DCDC1: variants seen among roughly 807,000 people sequenced by gnomAD.
DCDC1 encodes doublecortin domain-containing protein 1.
A neutral mutation model predicts 178.3 loss-of-function variants in DCDC1; 200 were observed. That is an observed-to-expected ratio of 1.12 (90% confidence interval 1.00 to 1.26). DCDC1 has a LOEUF of 1.26. DCDC1 is among the 50% of genes most tolerant of loss of function. The pLI is 0.00. For synonymous variants in DCDC1, 690 were observed against 604.8 expected, an observed-to-expected ratio of 1.14 and a Z score of -2.07; for missense variants, 1,983 against 1,749.2, an observed-to-expected ratio of 1.13 and a Z score of -2.38.
At chr11:31,273,022 G>A (rs1423949299) in intron 7 of DCDC1, among the ~76,000 whole-genome samples, 3 of 152,156 alleles carry the variant, frequency 2.0e-5, no homozygotes, top group Non-Finnish European at 4.4e-5. Context: ...TGGGATGCAG[G>A]GCACCAAGTC....
chr11:31,282,339 A>T (rs897460868), intron 7 of DCDC1, among the ~76,000 whole-genome samples: 24 of 151,790 alleles, frequency 1.6e-4, no homozygotes, highest in Admixed American at 1.4e-3. Flanking sequence ...GAAGGACAAG[A>T]TTAATAGGAT....
At chr11:30,872,257 GT>G (rs910063536) in intron 38 of DCDC1, among the ~76,000 whole-genome samples, 1 of 151,924 alleles carries the variant, frequency 6.6e-6, no homozygotes, top group African/African-American at 2.4e-5. Flanking sequence ...GTTTTGTTTT[GT>G]TTTTTGTGAA....
intron 9 of DCDC1, among the ~76,000 whole-genome samples, chr11:31,214,544 GC>G (rs1467744194): frequency 6.6e-6 from 1 of 152,022 alleles, no homozygotes; most frequent in Non-Finnish European, 1.5e-5. Context: ...TCCTGACCAC[GC>G]CCTCAATGAG....
At chr11:31,351,364 T>C (rs543975894) in intron 1 of DCDC1, among the ~76,000 whole-genome samples, 5 of 152,240 alleles carry the variant, frequency 3.3e-5, no homozygotes, top group Admixed American at 2.0e-4. Flanking sequence ...GTGGTTGCCA[T>C]AGTAACAAAT....
intron 18 of DCDC1, among the ~76,000 whole-genome samples, chr11:31,073,384 G>C (rs1291975607): frequency 2.7e-5 from 4 of 149,840 alleles, no homozygotes; most frequent in Admixed American, 6.8e-5. Flanking sequence ...ACCTAAATTT[G>C]GGGAAAAAAA....
At chr11:31,226,523 T>TTAAAAGCAATAAAAGAAAAAGTCATTACA (rs1974973805) in intron 9 of DCDC1, among the ~76,000 whole-genome samples, 4 of 151,566 alleles carry the variant, frequency 2.6e-5, no homozygotes, top group Non-Finnish European at 5.9e-5. Context: ...ATATAAATTC[T>TTAAAAGCAATAAAAGAAAAAGTCATTACA]TAAAAGCAAT....
At chr11:31,020,932 C>T (rs1952834299) in intron 20 of DCDC1, among the ~76,000 whole-genome samples, 1 of 152,082 alleles carries the variant, frequency 6.6e-6, no homozygotes, top group South Asian at 2.1e-4. Flanking sequence ...ATACTGAAAT[C>T]CCAATAGAAA....
chr11:30,942,829 C>T (rs1392813059), intron 21 of DCDC1, among the ~76,000 whole-genome samples: 2 of 152,128 alleles, frequency 1.3e-5, no homozygotes, highest in South Asian at 2.1e-4. Flanking sequence ...TCACAGAAAC[C>T]CAATTAAATG....
intron 20 of DCDC1, among the ~76,000 whole-genome samples, chr11:30,972,839 T>C (rs569067149): frequency 2.1e-4 from 32 of 152,244 alleles, no homozygotes; most frequent in African/African-American, 7.2e-4. Context: ...AAATCTCATG[T>C]TCAATTATAA....
chr11:31,298,536 A>T (rs1402088985), intron 6 of DCDC1, among the ~76,000 whole-genome samples: 3 of 152,202 alleles, frequency 2.0e-5, no homozygotes, highest in Non-Finnish European at 2.9e-5. Context: ...CTGACTGTTC[A>T]TATACTCTCC....
intron 9 of DCDC1, among the ~76,000 whole-genome samples, chr11:31,190,758 T>G (rs917737723): frequency 1.6e-4 from 24 of 152,088 alleles, no homozygotes; most frequent in African/African-American, 5.8e-4. Context: ...TGTGTTTTGA[T>G]TTTCATTTTT....
chr11:31,328,665 G>A (rs1207483080), intron 2 of DCDC1, among the ~76,000 whole-genome samples: 6 of 151,852 alleles, frequency 4.0e-5, no homozygotes, highest in Non-Finnish European at 5.9e-5. Flanking sequence ...TAAATTAGCC[G>A]GGTGTGGTGG....
intron 1 of DCDC1, among the ~76,000 whole-genome samples, chr11:31,338,444 G>A (rs1033895392): frequency 1.3e-5 from 2 of 152,210 alleles, no homozygotes; most frequent in African/African-American, 2.4e-5. Flanking sequence ...GTATGATCAA[G>A]AATAGGTGGT....
intron 20 of DCDC1, among the ~76,000 whole-genome samples, chr11:30,965,604 A>T (rs1224133260): frequency 6.7e-5 from 10 of 148,464 alleles, no homozygotes; most frequent in Non-Finnish European, 3.0e-5. Context: ...TGTTTTTTTA[A>T]TTTTTTTTTA....
chr11:31,134,484 T>C (rs1962876434), intron 10 of DCDC1, among the ~76,000 whole-genome samples: 1 of 152,174 alleles, frequency 6.6e-6, no homozygotes, highest in African/African-American at 2.4e-5. Context: ...TCCAGGATGT[T>C]TTCACCCAAC....
intron 36 of DCDC1, chr11:30,883,492 C>A: frequency 2.2e-6 from 1 of 459,660 alleles, no homozygotes; most frequent in South Asian, 1.6e-5. Flanking sequence ...AAATAAAGAT[C>A]CATGTCTTCA....
At chr11:31,040,890 G>A (rs541850459) in intron 20 of DCDC1, among the ~76,000 whole-genome samples, 3 of 152,304 alleles carry the variant, frequency 2.0e-5, no homozygotes, top group South Asian at 4.1e-4. Flanking sequence ...CAACTCCTCT[G>A]GGGTTGATGT....
chr11:31,211,123 C>T (rs749879105), intron 9 of DCDC1, among the ~76,000 whole-genome samples: 21 of 152,196 alleles, frequency 1.4e-4, no homozygotes, highest in African/African-American at 5.1e-4. Flanking sequence ...TGATCATCCA[C>T]CATGACTTCA....
chr11:31,209,479 A>G (rs978198845), intron 9 of DCDC1, among the ~76,000 whole-genome samples: 1 of 152,260 alleles, frequency 6.6e-6, no homozygotes, highest in African/African-American at 2.4e-5. Flanking sequence ...AGTGATTTGA[A>G]TAACTAGGGA....
Sources: allele counts gnomAD v4.1 joint callset (sites outside exome capture counted in the v4.1 genomes callset), GRCh38; gene constraint gnomAD v4.1.1; transcripts MANE v1.5; gene names NCBI Gene and HGNC (gene_info 2026-07-23, HGNC 2026-07-21).